Variants in PLPPR2 observed in about 807,000 individuals in gnomAD.
PLPPR2 encodes phospholipid phosphatase related 2.
In PLPPR2, 11 loss-of-function variants were observed where a neutral mutation model predicts 40.3. The observed-to-expected ratio is 0.27, with a 90% CI of 0.17 to 0.45. The LOEUF is 0.45. Among genes scored for constraint, PLPPR2 ranks in the 20% least tolerant of loss-of-function variants. PLPPR2 has a pLI of 1.00. For missense variants in PLPPR2, 497 were observed against 640.7 expected (o/e 0.78, Z 2.42); for synonymous variants, 260 against 290.8 (o/e 0.89, Z 1.08).
intron 1 of PLPPR2, among the ~76,000 whole-genome samples, chr19:11,356,333 T>C (rs1967875286): frequency 6.6e-6 from 1 of 151,940 alleles, no homozygotes; most frequent in African/African-American, 2.4e-5. Context: ...CTCTTTTCTG[T>C]GACTCTTAAG....
Position 11,362,455 on chromosome 19 carries a change from C to A in PLPPR2, c.664-58C>A, listed in dbSNP as rs549272176. 6.3e-7 allele frequency: 1 copy of A among 1,595,230 alleles called. No homozygotes were observed. Among genetic ancestry groups the A allele is most frequent in the Admixed American group, 1.7e-5 (1 of 60,008 alleles). On this transcript the variant is annotated intron_variant, in intron 6 of 9. Transcript: ENST00000688289. The surrounding 1 kb of genome is among the most constrained non-coding windows in gnomAD (Gnocchi z 5.3). ...TGCGCTCTAGCCCAGAAAGGAGCGT[C>A]CACTTGGGTTCGGCGACTTGCCTCC...
rs1419532155 is a variant in PLPPR2, at chr19:11,363,021, C to T, written c.840+332C>T. Among the ~76,000 whole-genome samples the T allele has an allele frequency of 6.6e-6, 1 of 152,052 alleles. No individual in the cohort carries two copies. The highest frequency in any genetic ancestry group is 2.4e-5 in the African/African-American group (1 of 41,402). On this transcript the variant is annotated intron_variant, in intron 7 of 9. Transcript: ENST00000688289. The surrounding 1 kb of genome is among the most constrained non-coding windows in gnomAD (Gnocchi z 4.8). Reference sequence around the variant, plus strand: ...AATAAAGATGAATCAAGGCTGGGTGCGGTGGCTCACGCCTGTAATCCCAGC... The same window carrying T: ...AATAAAGATGAATCAAGGCTGGGTGTGGTGGCTCACGCCTGTAATCCCAGC...
intron 3 of PLPPR2, among the ~76,000 whole-genome samples, chr19:11,358,092 T>C (rs1007713524): frequency 6.6e-6 from 1 of 151,880 alleles, no homozygotes; most frequent in African/African-American, 2.4e-5. Flanking sequence ...TCTCACTCTG[T>C]CACCCAGGCT....
In PLPPR2 at chr19:11,359,785, G is replaced by A. The variant is rs781419735; in HGVS notation, c.256-36G>A. On this transcript the variant is annotated intron_variant, in intron 4 of 9. Coordinates refer to ENST00000688289, the MANE Select transcript of PLPPR2 (RefSeq NM_001393892.1). The surrounding 1 kb of genome is among the most constrained non-coding windows in gnomAD (Gnocchi z 5.6). ...TAAGGGTGGGTGAGGGGATGGGCTG[G>A]AAGGCCAGAAGACTCCATCTTGGTC... The A allele has an allele frequency of 5.0e-6, 8 of 1,588,864 alleles. No homozygotes were observed. The South Asian group carries it at 7.9e-5, about 16-fold the overall frequency.
At chr19:11,357,007 C>T (rs1555713421) in intron 2 of PLPPR2, 31 bp downstream of exon 2, 1 of 152,218 alleles carries the variant, frequency 6.6e-6, no homozygotes, top group Non-Finnish European at 1.5e-5. Context: ...TGGATGCAAG[C>T]AGGTGTGACT....
rs1011527684 is a variant in PLPPR2, at chr19:11,364,744, G to A, written c.*54G>A. 11 of 1,526,664 alleles carry A rather than the reference G, an allele frequency of 7.2e-6. No homozygotes were observed. The highest frequency in any genetic ancestry group is 1.4e-5 in the African/African-American group (1 of 72,974). 94.6% of individuals were successfully genotyped at this position (1,526,664 alleles called of 1,614,324 possible). A position where few individuals can be genotyped will look rare whatever the true frequency, so the allele number is the denominator to read the frequency against. On this transcript the variant is annotated 3_prime_UTR_variant, in exon 10 of 10. Transcript: ENST00000688289. The surrounding 1 kb of genome is among the most constrained non-coding windows in gnomAD (Gnocchi z 5.8). ...AGTCCCCACTTCTTCCCTGCCACGC[G>A]TGTGTGTGCGTGTGCCACGTGAGTG...
intron 5 of PLPPR2, among the ~76,000 whole-genome samples, chr19:11,360,342 C>G (rs1048026128): frequency 2.6e-5 from 4 of 151,660 alleles, no homozygotes; most frequent in African/African-American, 9.7e-5. Flanking sequence ...GTGGTACATG[C>G]CTGTAGCCCC....
chr19:11,361,490 T>TGAGCTTCGG lies in PLPPR2; in HGVS notation c.663+13_663+21dup, dbSNP rs758994746. On this transcript the variant is annotated splice_region_variant and intron_variant, in intron 6 of 9. Transcript: ENST00000688289. The surrounding 1 kb of genome is among the most constrained non-coding windows in gnomAD (Gnocchi z 6.3). ...GCCTACGCGGTCACCTACACAGCGG[T>TGAGCTTCGG]GAGCTTCGGGAGCTTCGGGGTCGGA... 7.5e-6 allele frequency: 12 copies of TGAGCTTCGG among 1,592,578 alleles called. No individual in the cohort carries two copies. The highest frequency in any genetic ancestry group is 1.1e-5 in the South Asian group (1 of 90,358).
rs1475909738 is a variant in PLPPR2, at chr19:11,359,751, G to T, written c.255+31G>T. ...ACAATGAAGACCTCCTAGGAGGCAG[G>T]TGGGCCGGTAAGGGTGGGTGAGGGG... On this transcript the variant is annotated intron_variant, in intron 4 of 9. Transcript: ENST00000688289. This position sits in a 1 kb window ranked among gnomAD's most constrained non-coding sequence, Gnocchi z 5.6. 12 of 1,578,388 alleles carry T rather than the reference G, an allele frequency of 7.6e-6. No homozygotes were observed. The highest frequency in any genetic ancestry group is 1.0e-5 in the Non-Finnish European group (12 of 1,156,318).
chr19:11,361,535 C>T lies in PLPPR2; in HGVS notation c.663+47C>T. 2 of 1,545,854 alleles carry T rather than the reference C, an allele frequency of 1.3e-6. No homozygotes were observed. The highest frequency in any genetic ancestry group is 1.2e-5 in the South Asian group (1 of 82,802). On this transcript the variant is annotated intron_variant, in intron 6 of 9. Coordinates refer to ENST00000688289, the MANE Select transcript of PLPPR2 (RefSeq NM_001393892.1). This position sits in a 1 kb window ranked among gnomAD's most constrained non-coding sequence, Gnocchi z 6.3. ...GTCGGAAATGGGTGTGCAGGCTGGACAGCGACCAGCAGCTAGGAAGCCGCC... is the reference window on the plus strand; with the variant it reads ...GTCGGAAATGGGTGTGCAGGCTGGATAGCGACCAGCAGCTAGGAAGCCGCC...
At chr19:11,358,053 G>A (rs888591098) in intron 3 of PLPPR2, among the ~76,000 whole-genome samples, 1 of 31,502 alleles carries the variant, frequency 3.2e-5, no homozygotes, top group African/African-American at 1.1e-4. Context: ...GTGTGTGTGT[G>A]TGTGTGTGTA....
chr19:11,364,060 T>G lies in PLPPR2; in HGVS notation c.964-101T>G. On this transcript the variant is annotated intron_variant, in intron 8 of 9. Coordinates refer to ENST00000688289, the MANE Select transcript of PLPPR2 (RefSeq NM_001393892.1). The surrounding 1 kb of genome is among the most constrained non-coding windows in gnomAD (Gnocchi z 5.8). ...ACACGGTTAATCATGAGAACTGTGG[T>G]TGTCTTTTCCATGGGGCTCTTCACC... The G allele has an allele frequency of 1.4e-6, 2 of 1,460,554 alleles. No homozygotes were observed. Among genetic ancestry groups the G allele is most frequent in the Non-Finnish European group, 1.9e-6 (2 of 1,077,734 alleles). 90.5% of individuals were successfully genotyped at this position (1,460,554 alleles called of 1,614,324 possible).
chr19:11,357,827 A>C, intron 3 of PLPPR2, 88 bp downstream of exon 3: 1 of 999,112 alleles, frequency 1.0e-6, no homozygotes. Flanking sequence ...CCACTTTTCC[A>C]TCTCTGGGAT....
chr19:11,358,667 G>GGT (rs1555713736), intron 3 of PLPPR2, among the ~76,000 whole-genome samples: 21 of 135,796 alleles, frequency 1.5e-4, no homozygotes, highest in African/African-American at 5.7e-4. Flanking sequence ...CTCTCTCTCT[G>GGT]TTTTTTTTTT....
At chr19:11,360,112 C>T (rs1481847910) in intron 5 of PLPPR2, among the ~76,000 whole-genome samples, 156 bp downstream of exon 5, 1 of 152,100 alleles carries the variant, frequency 6.6e-6, no homozygotes, top group Non-Finnish European at 1.5e-5. Flanking sequence ...TGGGCGATCA[C>T]CTGAGGTCAG....
At chr19:11,357,510 A>C in intron 2 of PLPPR2, 150 bp from the exon 3 acceptor site, 1 of 515,124 alleles carries the variant, frequency 1.9e-6, no homozygotes. Flanking sequence ...GCATGGCCAG[A>C]AGGTTCAAGG....
Position 11,361,512 on chromosome 19 carries a change from C to A in PLPPR2, c.663+24C>A, listed in dbSNP as rs372561787. ...CGGTGAGCTTCGGGAGCTTCGGGGT[C>A]GGAAATGGGTGTGCAGGCTGGACAG... On this transcript the variant is annotated intron_variant, in intron 6 of 9. Coordinates refer to ENST00000688289, the MANE Select transcript of PLPPR2 (RefSeq NM_001393892.1). This position sits in a 1 kb window ranked among gnomAD's most constrained non-coding sequence, Gnocchi z 6.3. 16 of 1,576,080 alleles carry A rather than the reference C, an allele frequency of 1.0e-5. No homozygotes were observed. Among genetic ancestry groups the A allele is most frequent in the Non-Finnish European group, 1.4e-5 (16 of 1,164,652 alleles).
Position 11,361,094 on chromosome 19 carries a change from C to T in PLPPR2, c.392-123C>T, listed in dbSNP as rs1968029284. On this transcript the variant is annotated intron_variant, in intron 5 of 9. Transcript: ENST00000688289. The surrounding 1 kb of genome is among the most constrained non-coding windows in gnomAD (Gnocchi z 6.3). ...TCTTAAAGGAAGGGGGATGTTGGCA[C>T]AACTACAGGGTCCCAAGTGTGCTTT... 7.8e-7 allele frequency: 1 copy of T among 1,289,934 alleles called. No homozygotes were observed. The highest frequency in any genetic ancestry group is 1.0e-6 in the Non-Finnish European group (1 of 958,082). The allele number at this position is 1,289,934 out of a possible 1,614,324, so 79.9% of individuals were successfully genotyped here. A position where few individuals can be genotyped will look rare whatever the true frequency, so the allele number is the denominator to read the frequency against.
intron 3 of PLPPR2, among the ~76,000 whole-genome samples, chr19:11,358,665 CTGTT>C (rs943061234): frequency 7.0e-5 from 10 of 142,948 alleles, no homozygotes; most frequent in South Asian, 4.4e-4. Flanking sequence ...TCCTCTCTCT[CTGTT>C]TTTTTTTTTT....
Sources: allele counts gnomAD v4.1 joint callset (sites outside exome capture counted in the v4.1 genomes callset), GRCh38; gene constraint gnomAD v4.1.1; non-coding constraint Gnocchi (gnomAD v3.1); transcripts MANE v1.5; gene names NCBI Gene and HGNC (gene_info 2026-07-23, HGNC 2026-07-21).